The following EPHA6 variants were observed in gnomAD, a reference collection of about 807,000 sequenced individuals.
EPHA6 encodes ephrin type-A receptor 6.
A neutral mutation model predicts 112.0 loss-of-function variants in EPHA6; 50 were observed. The ratio of observed to expected loss-of-function variants is 0.45; its 90% CI spans 0.36 to 0.56. EPHA6 has a LOEUF of 0.56. EPHA6 is among the 20% of genes least tolerant of loss of function. The pLI is 0.00. For synonymous variants in EPHA6, 529 were observed against 490.7 expected, an observed-to-expected ratio of 1.08 and a Z score of -1.03; for missense variants, 1,280 against 1,417.4, an observed-to-expected ratio of 0.90 and a Z score of 1.56.
chr3:97,063,326 A>G (rs2108129658), intron 3 of EPHA6, among the ~76,000 whole-genome samples: 1 of 152,358 alleles, frequency 6.6e-6, no homozygotes, highest in South Asian at 2.1e-4. Flanking sequence ...GATAGACTGG[A>G]TAAAGAAAAT....
intron 5 of EPHA6, among the ~76,000 whole-genome samples, chr3:97,308,285 T>C (rs1156528137): frequency 6.6e-6 from 1 of 151,698 alleles, no homozygotes; most frequent in Non-Finnish European, 1.5e-5. Flanking sequence ...CTTGGTGAAA[T>C]TATAATCCTG....
At chr3:97,238,177 A>G (rs1209136076) in intron 4 of EPHA6, among the ~76,000 whole-genome samples, 1 of 151,932 alleles carries the variant, frequency 6.6e-6, no homozygotes, top group Admixed American at 6.6e-5. Context: ...GTATTTTGAG[A>G]AATTTTTATT....
intron 3 of EPHA6, among the ~76,000 whole-genome samples, chr3:97,187,382 C>A (rs926497911): frequency 4.6e-5 from 7 of 151,768 alleles, no homozygotes; most frequent in Non-Finnish European, 1.0e-4. Context: ...CCAACCTGGT[C>A]AATAAGGTGA....
chr3:96,838,612 T>G (rs2034558189), intron 1 of EPHA6, among the ~76,000 whole-genome samples: 1 of 152,078 alleles, frequency 6.6e-6, no homozygotes, highest in Non-Finnish European at 1.5e-5. Flanking sequence ...TTTCTATAAT[T>G]CAAATGTATA....
intron 11 of EPHA6, among the ~76,000 whole-genome samples, chr3:97,565,837 T>C (rs1009707867): frequency 2.6e-5 from 4 of 151,774 alleles, no homozygotes; most frequent in Non-Finnish European, 4.4e-5. Flanking sequence ...AGCAACATGG[T>C]GAAACCCCGT....
At chr3:97,607,167 A>G (rs2093685834) in intron 12 of EPHA6, among the ~76,000 whole-genome samples, 1 of 147,246 alleles carries the variant, frequency 6.8e-6, no homozygotes, top group Non-Finnish European at 1.5e-5. Context: ...TCTTTTTTTC[A>G]CAAATATTGT....
intron 3 of EPHA6, among the ~76,000 whole-genome samples, chr3:97,161,423 T>G (rs1480247964): frequency 1.3e-5 from 2 of 152,196 alleles, no homozygotes; most frequent in Non-Finnish European, 2.9e-5. Context: ...CCATTGGATC[T>G]GCTTAATTGT....
intron 2 of EPHA6, among the ~76,000 whole-genome samples, chr3:96,913,215 A>ACAC (rs1559825599): frequency 1.3e-4 from 16 of 123,116 alleles, no homozygotes; most frequent in African/African-American, 4.7e-4. Context: ...CACACACACC[A>ACAC]CACACACGGG....
intron 3 of EPHA6, among the ~76,000 whole-genome samples, chr3:97,089,156 A>T (rs536799501): frequency 6.6e-6 from 1 of 152,230 alleles, no homozygotes; most frequent in East Asian, 1.9e-4. Context: ...ATTGATAGAA[A>T]AGTATTTCAT....
At chr3:97,260,029 G>A (rs377559351) in intron 5 of EPHA6, among the ~76,000 whole-genome samples, 18 of 152,220 alleles carry the variant, frequency 1.2e-4, no homozygotes, top group South Asian at 4.1e-4. Flanking sequence ...TGGAACTCCC[G>A]AACTCAGATG....
At chr3:97,097,052 T>C (rs897120028) in intron 3 of EPHA6, among the ~76,000 whole-genome samples, 71 of 151,778 alleles carry the variant, frequency 4.7e-4, no homozygotes, top group African/African-American at 1.7e-3. Flanking sequence ...ATTTCATTAA[T>C]GTTTATCATT....
Position 97,715,440 on chromosome 3 carries a change from G to A in EPHA6, c.2785-4821G>A, listed in dbSNP as rs531401141. Among the ~76,000 whole-genome samples the A allele has an allele frequency of 9.6e-4, 146 of 152,238 alleles. 2 individuals carry two copies. In the South Asian group the frequency reaches 0.011, roughly 11 times the overall value. Reference sequence around the variant, plus strand: ...TAAGGATTTTTTAAATTATGCTTTAGTATAATATATACTCATTAATTGAGT... The same window carrying A: ...TAAGGATTTTTTAAATTATGCTTTAATATAATATATACTCATTAATTGAGT... On this transcript the variant is annotated intron_variant, in intron 14 of 17. Transcript: ENST00000389672.
chr3:97,403,080 T>G (rs2087097480), intron 5 of EPHA6, among the ~76,000 whole-genome samples: 1 of 144,262 alleles, frequency 6.9e-6, no homozygotes, highest in African/African-American at 3.0e-5. Context: ...CCTTAATATA[T>G]CTGACACTTT....
chr3:97,533,872 C>G (rs2092724425), intron 11 of EPHA6, among the ~76,000 whole-genome samples: 1 of 152,114 alleles, frequency 6.6e-6, no homozygotes, highest in South Asian at 2.1e-4. Context: ...AGTGAACCAT[C>G]TCTGATGTTA....
intron 10 of EPHA6, among the ~76,000 whole-genome samples, chr3:97,507,329 A>G (rs1442919540): frequency 6.6e-6 from 1 of 152,128 alleles, no homozygotes; most frequent in Non-Finnish European, 1.5e-5. Flanking sequence ...TTATTTTGAG[A>G]TATGTTCCAT....
chr3:96,991,876 C>G (rs1180172685), intron 3 of EPHA6, among the ~76,000 whole-genome samples: 1 of 152,110 alleles, frequency 6.6e-6, no homozygotes, highest in African/African-American at 2.4e-5. Flanking sequence ...TTCTCCCATT[C>G]CGAAAGGCAG....
intron 2 of EPHA6, among the ~76,000 whole-genome samples, chr3:96,900,455 T>C (rs556540263): frequency 2.6e-5 from 4 of 152,328 alleles, no homozygotes; most frequent in African/African-American, 9.6e-5. Context: ...TTTTTCCCAA[T>C]TGCATGGATT....
In EPHA6 at chr3:97,654,401, C is replaced by T. The variant is rs968504201; in HGVS notation, c.2784+16319C>T. ...GTTTTGGTAGGTACTGTTCTGGTCA[C>T]TGGACATATTCCAATAAGTAAGCTT... On this transcript the variant is annotated intron_variant, in intron 14 of 17. Coordinates refer to ENST00000389672, the MANE Select transcript of EPHA6 (RefSeq NM_001080448.3). Among the ~76,000 whole-genome samples, 111 of 151,860 alleles carry T rather than the reference C, an allele frequency of 7.3e-4. 1 individual carries two copies. The highest frequency in any genetic ancestry group is 1.2e-4 in the Non-Finnish European group (8 of 67,914).
At chr3:97,639,745 T>G (rs570298098) in intron 14 of EPHA6, among the ~76,000 whole-genome samples, 51 of 152,318 alleles carry the variant, frequency 3.3e-4, no homozygotes, top group Non-Finnish European at 6.9e-4. Context: ...TCTTGGCATT[T>G]TCTGTCTTAT....
Sources: allele counts gnomAD v4.1 joint callset (sites outside exome capture counted in the v4.1 genomes callset), GRCh38; gene constraint gnomAD v4.1.1; transcripts MANE v1.5; gene names NCBI Gene and HGNC (gene_info 2026-07-23, HGNC 2026-07-21).